Variants in ITGBL1 observed in about 807,000 individuals in gnomAD.
The protein encoded by ITGBL1 is integrin subunit beta like 1, also known as integrin beta-like protein 1.
Under a neutral mutation model 68.5 loss-of-function variants are expected in ITGBL1, and 51 were observed. The ratio of observed to expected loss-of-function variants is 0.74; its 90% CI spans 0.59 to 0.94. The LOEUF is 0.94. Among genes scored for constraint, ITGBL1 ranks in the 40% least tolerant of loss-of-function variants. The pLI, the probability that ITGBL1 is intolerant of heterozygous loss-of-function variation, is 0.00. For missense variants in ITGBL1, 649 were observed against 647.4 expected, an observed-to-expected ratio of 1.00 and a Z score of -0.03; for synonymous variants, 209 against 227.3, an observed-to-expected ratio of 0.92 and a Z score of 0.72.
At position 101,453,916 on chromosome 13, in the gene ITGBL1, G is replaced by T. The variant is rs780609236; in HGVS notation, c.132G>T (p.Arg44=). The change falls in exon 2 of 11, where the codon CGG becomes CGT. Residue 44 remains arginine, a synonymous_variant. Coordinates refer to ENST00000376180, the MANE Select transcript of ITGBL1 (RefSeq NM_004791.3). ...CGGGCGCCGCCTGCAGGCTGTCCCG[G>T]GCCGAGTCGGAGCGACGCTGCCGCG... ...SWPGAACRLS[R]AESERRCRAP... 27 of 1,328,502 alleles carry T rather than the reference G, an allele frequency of 2.0e-5. No individual in the cohort carries two copies. The highest frequency in any genetic ancestry group is 2.1e-5 in the Non-Finnish European group (22 of 1,039,450). The allele number at this position is 1,328,502 out of a possible 1,614,324, so 82.3% of individuals were successfully genotyped here. A position where few individuals can be genotyped will look rare whatever the true frequency, so the allele number is the denominator to read the frequency against.
intron 7 of ITGBL1, among the ~76,000 whole-genome samples, chr13:101,651,099 A>C (rs1439860852): frequency 6.6e-6 from 1 of 152,222 alleles, no homozygotes; most frequent in African/African-American, 2.4e-5. Context: ...ATAGTGCTAC[A>C]GTGAACATAT....
intron 2 of ITGBL1, among the ~76,000 whole-genome samples, chr13:101,525,402 T>C (rs1932263): frequency 0.75 from 113,088 of 151,766 alleles, 42,171 homozygotes; most frequent in South Asian, 0.79. Context: ...TAAAAAAAGT[T>C]AGTTGGGGTC....
chr13:101,458,812 T>C (rs2048279887), intron 2 of ITGBL1, among the ~76,000 whole-genome samples: 1 of 152,226 alleles, frequency 6.6e-6, no homozygotes, highest in African/African-American at 2.4e-5. Context: ...ATTTTCTGAA[T>C]AGTTTTAATC....
intron 7 of ITGBL1, among the ~76,000 whole-genome samples, chr13:101,666,031 T>G (rs2033207808): frequency 1.3e-5 from 2 of 152,274 alleles, no homozygotes; most frequent in South Asian, 4.1e-4. Flanking sequence ...CCTTGTCTTT[T>G]GTTTTCCTCC....
chr13:101,714,887 T>C, intron 10 of ITGBL1: 1 of 267,122 alleles, frequency 3.7e-6, no homozygotes, highest in Non-Finnish European at 7.1e-6. Context: ...GAACATGGTA[T>C]AGGGAATGAA....
intron 2 of ITGBL1, among the ~76,000 whole-genome samples, chr13:101,508,373 T>C (rs1474175050): frequency 6.6e-6 from 1 of 152,168 alleles, no homozygotes; most frequent in Non-Finnish European, 1.5e-5. Flanking sequence ...AAAATATTTG[T>C]CTACGTTTCT....
At position 101,709,325 on chromosome 13, in the gene ITGBL1, A is replaced by G. The variant is rs947203059; in HGVS notation, c.1279+2423A>G. On this transcript the variant is annotated intron_variant, in intron 9 of 10. Coordinates refer to ENST00000376180, the MANE Select transcript of ITGBL1 (RefSeq NM_004791.3). ...GCTTGCAGTGAGCCGAGATTGCGCC[A>G]CTGCAGTCCGCAGTCCGGCCTGGGT... Among the ~76,000 whole-genome samples the G allele has an allele frequency of 1.1e-4, 15 of 132,082 alleles. No individual in the cohort carries two copies. The Admixed American group carries it at 1.2e-3, about 11-fold the overall frequency. 86.7% of individuals were successfully genotyped at this position (132,082 alleles called of 152,430 possible).
intron 7 of ITGBL1, among the ~76,000 whole-genome samples, chr13:101,668,161 G>A (rs1429090020): frequency 1.3e-5 from 2 of 152,140 alleles, no homozygotes; most frequent in East Asian, 3.9e-4. Context: ...GCCAAGGTGG[G>A]TGGATCACCT....
At chr13:101,662,636 C>A (rs2033117080) in intron 7 of ITGBL1, among the ~76,000 whole-genome samples, 1 of 151,984 alleles carries the variant, frequency 6.6e-6, no homozygotes, top group Non-Finnish European at 1.5e-5. Flanking sequence ...TGTCTCCATC[C>A]CTCCCACTTT....
intron 2 of ITGBL1, among the ~76,000 whole-genome samples, chr13:101,530,840 C>T (rs1342453601): frequency 6.6e-6 from 1 of 152,146 alleles, no homozygotes; most frequent in African/African-American, 2.4e-5. Flanking sequence ...TAAGCAGCAA[C>T]AGTTTCTAAT....
intron 7 of ITGBL1, among the ~76,000 whole-genome samples, chr13:101,679,500 G>T (rs773243337): frequency 3.9e-5 from 6 of 152,122 alleles, no homozygotes; most frequent in Non-Finnish European, 2.9e-5. Context: ...CTAGAAAAAA[G>T]GAGATTTTTA....
intron 4 of ITGBL1, 44 bp from the exon 5 acceptor site, chr13:101,579,241 GAA>G (rs1285266479): frequency 1.3e-6 from 2 of 1,597,070 alleles, no homozygotes; most frequent in South Asian, 1.1e-5. Flanking sequence ...TTCTGCTTAT[GAA>G]AGTTGCTTTT....
intron 7 of ITGBL1, among the ~76,000 whole-genome samples, chr13:101,646,503 A>T (rs1325842615): frequency 6.6e-6 from 1 of 152,174 alleles, no homozygotes; most frequent in African/African-American, 2.4e-5. Flanking sequence ...AATTGGAAGG[A>T]TGTTTTTAGT....
intron 7 of ITGBL1, among the ~76,000 whole-genome samples, chr13:101,639,405 A>G (rs2032288758): frequency 6.6e-6 from 1 of 152,186 alleles, no homozygotes; most frequent in Non-Finnish European, 1.5e-5. Flanking sequence ...TCTAATCATC[A>G]TTTGGAATTG....
chr13:101,481,028 G>A (rs12874221), intron 2 of ITGBL1, among the ~76,000 whole-genome samples: 28,680 of 149,174 alleles, frequency 0.19, 3,371 homozygotes, highest in East Asian at 0.43. Context: ...GTGTGTGTGT[G>A]TGTGTGTGTA....
chr13:101,616,542 G>A (rs1229239667), intron 7 of ITGBL1, among the ~76,000 whole-genome samples: 1 of 152,022 alleles, frequency 6.6e-6, no homozygotes, highest in Admixed American at 6.5e-5. Flanking sequence ...CCAGGCTGGA[G>A]TGCAGTGGCG....
At chr13:101,605,165 C>T (rs1026434192) in intron 7 of ITGBL1, among the ~76,000 whole-genome samples, 2 of 71,420 alleles carry the variant, frequency 2.8e-5, no homozygotes, top group African/African-American at 5.7e-5. Context: ...TGTGTATATG[C>T]GTATATATGC....
At chr13:101,495,955 G>A (rs1403557682) in intron 2 of ITGBL1, among the ~76,000 whole-genome samples, 1 of 152,078 alleles carries the variant, frequency 6.6e-6, no homozygotes, top group Non-Finnish European at 1.5e-5. Flanking sequence ...ATAATATAGT[G>A]AAACATTTTG....
intron 7 of ITGBL1, among the ~76,000 whole-genome samples, chr13:101,685,955 A>T (rs1405815229): frequency 1.3e-5 from 2 of 152,124 alleles, no homozygotes; most frequent in African/African-American, 4.8e-5. Context: ...ATAAGATGGT[A>T]CAGAGAATTG....
Sources: gnomAD v4.1 joint callset for allele counts (sites outside exome capture counted in the v4.1 genomes callset) on GRCh38, gnomAD v4.1.1 for gene constraint, MANE v1.5 for transcripts, NCBI Gene and HGNC (gene_info 2026-07-23, HGNC 2026-07-21) for gene names.